The following RPGRIP1L variants were observed in gnomAD, a reference collection of about 807,000 sequenced individuals.
The protein encoded by RPGRIP1L is protein fantom.
A neutral mutation model predicts 160.4 loss-of-function variants in RPGRIP1L; 131 were observed. That is an observed-to-expected ratio of 0.82 (90% CI 0.71 to 0.94). The LOEUF is 0.94. RPGRIP1L is among the 40% of genes least tolerant of loss of function. The probability of loss-of-function intolerance (pLI) is 0.00; values close to 1 mark genes in which losing one functional copy is unlikely to be tolerated. For synonymous variants in RPGRIP1L, 510 were observed against 515.8 expected, an observed-to-expected ratio of 0.99 and a Z score of 0.15; for missense variants, 1,522 against 1,535.8, an observed-to-expected ratio of 0.99 and a Z score of 0.15.
chr16:53,654,235 G>T (rs1407545980), intron 14 of RPGRIP1L, among the ~76,000 whole-genome samples: 1 of 152,152 alleles, frequency 6.6e-6, no homozygotes, highest in African/African-American at 2.4e-5. Context: ...AGGTTAATAA[G>T]CTTCTACCTC....
Position 53,687,862 on chromosome 16 carries a change from C to A in RPGRIP1L, c.632+1G>T, listed in dbSNP as rs1376397728. On this transcript the variant is annotated splice_donor_variant, in intron 5 of 26. Coordinates refer to ENST00000647211, the MANE Select transcript of RPGRIP1L (RefSeq NM_015272.5). LOFTEE classifies it high-confidence loss of function. ...AAATTACCACAAAAAAGAACACATA[C>A]AAATTTCTTATTTCTCCTCTGGCTT... 2 of 1,574,756 alleles carry A rather than the reference C, an allele frequency of 1.3e-6. No individual in the cohort carries two copies. Among genetic ancestry groups the A allele is most frequent in the Admixed American group, 1.7e-5 (1 of 59,900 alleles).
Position 53,652,856 on chromosome 16 carries a change from T to C in RPGRIP1L, c.1831A>G (p.Ile611Val), listed in dbSNP as rs758067896. ...TCAGAAGAAAAGGTTACTTTGTTGATATGGATTTCAAATAGATTTTCGCCT... is the reference window on the plus strand; with the variant it reads ...TCAGAAGAAAAGGTTACTTTGTTGACATGGATTTCAAATAGATTTTCGCCT... The part of the protein sequence containing the change: ...ERGENLFEIH[I>V]NKVTFSSEVL... The change falls in exon 15 of 27, where the codon ATC (isoleucine) becomes GTC (valine). Residue 611 changes from isoleucine (I) to valine (V), a missense_variant. By Grantham distance (29) the Ile-to-Val change is conservative. Transcript: ENST00000647211. 43 of 1,612,884 alleles carry C rather than the reference T, an allele frequency of 2.7e-5. No individual in the cohort carries two copies. The highest frequency in any genetic ancestry group is 3.3e-5 in the Admixed American group (2 of 59,788).
intron 24 of RPGRIP1L, 97 bp downstream of exon 24, chr16:53,618,928 A>C (rs1964542797): frequency 1.0e-6 from 1 of 987,902 alleles, no homozygotes; most frequent in Non-Finnish European, 1.6e-6. Flanking sequence ...ATTTATGTGA[A>C]TATTAGAGAA....
At chr16:53,694,816 T>C (rs74532349) in intron 3 of RPGRIP1L, 10,041 of 152,680 alleles carry the variant, frequency 0.066, 955 homozygotes, top group African/African-American at 0.21. Context: ...CTGGCCTATT[T>C]ACTTCTAAAA....
At chr16:53,634,830 A>C (rs1011957227) in intron 22 of RPGRIP1L, among the ~76,000 whole-genome samples, 2 of 152,204 alleles carry the variant, frequency 1.3e-5, no homozygotes, top group African/African-American at 4.8e-5. Flanking sequence ...TAAATTACCC[A>C]GCCTCAGGTA....
chr16:53,645,499 T>C (rs1036408363), intron 17 of RPGRIP1L, 126 bp downstream of exon 17: 7 of 773,874 alleles, frequency 9.0e-6, no homozygotes, highest in Admixed American at 6.3e-5. Flanking sequence ...TATAGTAATA[T>C]AGGCCTAAAG....
rs182731109 is a variant in RPGRIP1L at position 53,600,028 on chromosome 16, A to C, written c.*2048T>G. 3 of 152,254 alleles carry C rather than the reference A, an allele frequency of 2.0e-5. No individual in the cohort carries two copies. The highest frequency in any genetic ancestry group is 7.2e-5 in the African/African-American group (3 of 41,456). The allele number at this position is 152,254 out of a possible 1,614,324, so 9.4% of individuals were successfully genotyped here. ...GACTGGGTCCCATAAGTTTTCTAAGAAAAACTTTTCCTTTCCACTTAATGA... is the reference window on the plus strand; with the variant it reads ...GACTGGGTCCCATAAGTTTTCTAAGCAAAACTTTTCCTTTCCACTTAATGA... On this transcript the variant is annotated 3_prime_UTR_variant, in exon 27 of 27. Transcript: ENST00000647211.
chr16:53,682,312 A>AC (rs1179304359), intron 6 of RPGRIP1L, among the ~76,000 whole-genome samples: 1 of 152,190 alleles, frequency 6.6e-6, no homozygotes, highest in East Asian at 1.9e-4. Flanking sequence ...TCTTGATGTG[A>AC]CAAAAATAGA....
intron 22 of RPGRIP1L, among the ~76,000 whole-genome samples, chr16:53,629,195 A>C (rs1297692293): frequency 1.3e-5 from 2 of 152,142 alleles, no homozygotes; most frequent in Non-Finnish European, 2.9e-5. Context: ...GGGAGCTATA[A>C]ACAAAATTCT....
Position 53,686,508 on chromosome 16 carries a change from G to A in RPGRIP1L, c.701C>T (p.Thr234Ile). The change falls in exon 6 of 27, where the codon ACT (threonine) becomes ATT (isoleucine). Residue 234 changes from threonine to isoleucine, a missense_variant. Thr to Ile is a moderately conservative substitution (Grantham distance 89, BLOSUM62 -1). Coordinates refer to ENST00000647211, the MANE Select transcript of RPGRIP1L (RefSeq NM_015272.5). ...TTCATTTTCTTTTCTCCTCAACTGA[G>A]TTTTCAGGATCTCAGCCAAGTGCTC... ...ELEHLAEILKTQLRRKENEIE... is the reference protein window; with the variant it reads ...ELEHLAEILKIQLRRKENEIE... 6.2e-7 allele frequency: 1 copy of A among 1,613,710 alleles called. No individual in the cohort carries two copies. The highest frequency in any genetic ancestry group is 1.1e-5 in the South Asian group (1 of 91,076).
intron 24 of RPGRIP1L, among the ~76,000 whole-genome samples, chr16:53,617,142 T>C (rs944287131): frequency 1.0e-4 from 14 of 139,284 alleles, no homozygotes; most frequent in Admixed American, 7.4e-4. Flanking sequence ...GAGGTAACCA[T>C]GTGAGAATGC....
chr16:53,700,639 C>T lies in RPGRIP1L; in HGVS notation c.85G>A (p.Glu29Lys), dbSNP rs771740102. 7 of 1,609,684 alleles carry T rather than the reference C, an allele frequency of 4.3e-6. No individual in the cohort carries two copies. Among genetic ancestry groups the T allele is most frequent in the Non-Finnish European group, 5.9e-6 (7 of 1,176,718 alleles). Residue 29 changes from glutamate to lysine, a missense_variant and splice_region_variant, in exon 2 of 27, where the codon GAA (glutamate) becomes AAA (lysine). By Grantham distance (56) the Glu-to-Lys change is moderately conservative. Transcript: ENST00000647211. Reference protein sequence around the residue: ...LNLFGMGGLQETSTTRTMKSR... With the variant: ...LNLFGMGGLQKTSTTRTMKSR... Reference sequence around the variant, plus strand: ...TGTAATAAATAACAGCTGGCCATACCTTGTAACCCTCCCATTCCAAAGAGG... The same window carrying T: ...TGTAATAAATAACAGCTGGCCATACTTTGTAACCCTCCCATTCCAAAGAGG...
In RPGRIP1L at chr16:53,671,584, C is replaced by A. The variant is rs2151236867; in HGVS notation, c.1030-1G>T. On this transcript the variant is annotated splice_acceptor_variant, in intron 8 of 26. Coordinates refer to ENST00000647211, the MANE Select transcript of RPGRIP1L (RefSeq NM_015272.5). LOFTEE classifies it high-confidence loss of function. ...CTAAATCATTAATTCTATCCTGCAG[C>A]TAAAATGAAAATAAAATTACATATT... is the stretch of plus-strand genomic sequence containing the variant. The A allele has an allele frequency of 6.7e-7, 1 of 1,482,102 alleles. No homozygotes were observed. The highest frequency in any genetic ancestry group is 1.2e-5 in the South Asian group (1 of 84,730). The allele number at this position is 1,482,102 out of a possible 1,614,324, so 91.8% of individuals were successfully genotyped here.
At chr16:53,602,247 G>T (rs1006971594) in intron 26 of RPGRIP1L, 59 bp from the exon 27 acceptor site, 6 of 1,144,854 alleles carry the variant, frequency 5.2e-6, no homozygotes, top group Non-Finnish European at 1.3e-6. Context: ...CTTTGGAAAG[G>T]CTCGCAGACA....
intron 4 of RPGRIP1L, 21 bp downstream of exon 4, chr16:53,692,045 T>A (rs766694525): frequency 6.2e-7 from 1 of 1,612,044 alleles, no homozygotes; most frequent in Non-Finnish European, 8.5e-7. Context: ...CAGTTTAGAT[T>A]TAACGTAAGC....
chr16:53,648,756 T>C (rs987010396), intron 16 of RPGRIP1L, among the ~76,000 whole-genome samples: 2 of 152,096 alleles, frequency 1.3e-5, no homozygotes, highest in African/African-American at 4.8e-5. Flanking sequence ...ATGCAAGACG[T>C]TACAATTAGG....
At chr16:53,700,530 C>T in intron 2 of RPGRIP1L, 109 bp downstream of exon 2, 1 of 846,728 alleles carries the variant, frequency 1.2e-6, no homozygotes, top group South Asian at 1.4e-5. Flanking sequence ...CAATCAAGGA[C>T]TATATAGTTA....
intron 6 of RPGRIP1L, among the ~76,000 whole-genome samples, chr16:53,682,609 C>A (rs956758442): frequency 6.6e-6 from 1 of 152,114 alleles, no homozygotes; most frequent in Non-Finnish European, 1.5e-5. Context: ...TCCTTGATAA[C>A]CTTGTACTCA....
chr16:53,602,793 T>C (rs544640424), intron 26 of RPGRIP1L, among the ~76,000 whole-genome samples: 12 of 149,958 alleles, frequency 8.0e-5, no homozygotes, highest in Non-Finnish European at 1.3e-4. Context: ...AAAAAAAGAA[T>C]TTTTAAGCTA....
Sources: gnomAD v4.1 joint callset for allele counts (sites outside exome capture counted in the v4.1 genomes callset) on GRCh38, gnomAD v4.1.1 for gene constraint, MANE v1.5 for transcripts, NCBI Gene and HGNC (gene_info 2026-07-23, HGNC 2026-07-21) for gene names.